Variants in GNG4 observed in about 807,000 individuals in gnomAD.
GNG4 encodes the protein G protein subunit gamma 4.
Under a neutral mutation model 5.8 loss-of-function variants are expected in GNG4, and 4 were observed. The ratio of observed to expected loss-of-function variants is 0.69; its 90% CI spans 0.34 to 1.57. The LOEUF (loss-of-function observed/expected upper bound fraction) is 1.57, where lower values mean the gene tolerates loss of function less well. Ranked by LOEUF, GNG4 falls within the 40% of genes most tolerant of loss-of-function variation. GNG4 has a pLI of 0.06. For missense variants in GNG4, 96 were observed against 95.1 expected (o/e 1.01, Z -0.04); for synonymous variants, 29 against 32.9 (o/e 0.88, Z 0.41).
At chr1:235,554,207 G>T (rs982201201) in intron 3 of GNG4, among the ~76,000 whole-genome samples, 4 of 152,152 alleles carry the variant, frequency 2.6e-5, no homozygotes, top group Admixed American at 2.6e-4. Context: ...TTGGGAGATT[G>T]AGCCCTCCCT....
chr1:235,574,577 T>C (rs1687428840), intron 3 of GNG4, among the ~76,000 whole-genome samples: 2 of 151,374 alleles, frequency 1.3e-5, no homozygotes, highest in Non-Finnish European at 3.0e-5. Context: ...CATTTATTTA[T>C]GGTTTTAAAT....
intron 2 of GNG4, among the ~76,000 whole-genome samples, chr1:235,587,223 G>T: frequency 1.3e-5 from 1 of 77,816 alleles, no homozygotes; most frequent in South Asian, 3.4e-4. Context: ...GGGTGTGGGT[G>T]AGTGTGAGTG....
chr1:235,587,260 GTGTA>G (rs1166583301), intron 2 of GNG4, among the ~76,000 whole-genome samples: 23 of 108,658 alleles, frequency 2.1e-4, no homozygotes, highest in Non-Finnish European at 3.0e-4. Flanking sequence ...TGTGATGACA[GTGTA>G]TGTGAGTGTG....
chr1:235,565,575 G>A (rs1687173376), intron 3 of GNG4, among the ~76,000 whole-genome samples: 1 of 152,146 alleles, frequency 6.6e-6, no homozygotes, highest in Non-Finnish European at 1.5e-5. Context: ...ATCCCCAAAG[G>A]TCCTGGGAAT....
chr1:235,594,802 G>A (rs528289401), intron 2 of GNG4, among the ~76,000 whole-genome samples: 13 of 152,312 alleles, frequency 8.5e-5, no homozygotes, highest in East Asian at 5.8e-4. Context: ...GCCAGCTCCC[G>A]CCTTGGCCAG....
At chr1:235,626,958 CAAAAAAAAAAAAAAAAAA>C (rs776506587) in intron 1 of GNG4, among the ~76,000 whole-genome samples, 51 of 77,390 alleles carry the variant, frequency 6.6e-4, no homozygotes, top group Middle Eastern at 6.6e-3. Flanking sequence ...GACTCTATCT[CAAAAAAAAAAAAAAAAAA>C]AAAAAAAAAA....
At chr1:235,593,961 G>C (rs1688060337) in intron 2 of GNG4, among the ~76,000 whole-genome samples, 2 of 152,232 alleles carry the variant, frequency 1.3e-5, no homozygotes, top group African/African-American at 2.4e-5. Flanking sequence ...CGGGCAGCCT[G>C]CTTTTATTCT....
chr1:235,564,287 G>T (rs1687139845), intron 3 of GNG4, among the ~76,000 whole-genome samples: 1 of 152,104 alleles, frequency 6.6e-6, no homozygotes, highest in African/African-American at 2.4e-5. Flanking sequence ...GAGGGGTGAT[G>T]GGGGGAGGAA....
intron 1 of GNG4, among the ~76,000 whole-genome samples, chr1:235,609,408 A>G (rs1688430272): frequency 6.6e-6 from 1 of 151,848 alleles, no homozygotes; most frequent in South Asian, 2.1e-4. Flanking sequence ...AACATATGTT[A>G]TTTTCCACTT....
intron 1 of GNG4, among the ~76,000 whole-genome samples, chr1:235,639,323 G>A (rs1210293150): frequency 1.3e-5 from 2 of 152,214 alleles, no homozygotes; most frequent in African/African-American, 4.8e-5. Context: ...AAGCCACTAA[G>A]AGCCTGGGCT....
At chr1:235,633,600 G>T (rs2102984193) in intron 1 of GNG4, among the ~76,000 whole-genome samples, 1 of 152,252 alleles carries the variant, frequency 6.6e-6, no homozygotes, top group South Asian at 2.1e-4. Flanking sequence ...TGATCCTCTT[G>T]CCTCAGCCTC....
chr1:235,647,793 C>G (rs562311025), intron 1 of GNG4, among the ~76,000 whole-genome samples: 1 of 152,180 alleles, frequency 6.6e-6, no homozygotes, highest in Admixed American at 6.5e-5. Context: ...CACCACCACG[C>G]CCGCCTAATT....
chr1:235,596,030 C>G (rs1405961380), intron 1 of GNG4, among the ~76,000 whole-genome samples: 1 of 151,822 alleles, frequency 6.6e-6, no homozygotes, highest in Non-Finnish European at 1.5e-5. Flanking sequence ...AAAAATTAGC[C>G]AGGCGTGATG....
At chr1:235,641,042 G>T (rs1657311469) in intron 1 of GNG4, among the ~76,000 whole-genome samples, 1 of 152,208 alleles carries the variant, frequency 6.6e-6, no homozygotes, top group African/African-American at 2.4e-5. Context: ...TATGCTAGGG[G>T]TGAGAGGAGG....
rs538925893 is a variant in GNG4, at chr1:235,574,264, G to A, written c.99+9476C>T. Among the ~76,000 whole-genome samples, 29 of 151,914 alleles carry A rather than the reference G, an allele frequency of 1.9e-4. No individual in the cohort carries two copies. The South Asian group carries it at 5.6e-3, about 29-fold the overall frequency. ...CACAGGCTTGTAATTCCAGCTACTC[G>A]GGAGGCTGAGGCAGGAGAATCGCTT... On this transcript the variant is annotated intron_variant, in intron 3 of 3. Coordinates refer to ENST00000391854, the MANE Select transcript of GNG4 (RefSeq NM_001098722.2).
chr1:235,574,398 T>C (rs1687425627), intron 3 of GNG4, among the ~76,000 whole-genome samples: 1 of 151,960 alleles, frequency 6.6e-6, no homozygotes, highest in Non-Finnish European at 1.5e-5. Flanking sequence ...AAAAAGCAAG[T>C]ACCATTTTAA....
chr1:235,609,982 A>G (rs779234914), intron 1 of GNG4, among the ~76,000 whole-genome samples: 18 of 152,206 alleles, frequency 1.2e-4, no homozygotes, highest in Non-Finnish European at 2.2e-4. Flanking sequence ...GAAAGACATG[A>G]TAGAGCCATC....
chr1:235,635,014 C>G (rs931154706), intron 1 of GNG4, among the ~76,000 whole-genome samples: 1 of 152,088 alleles, frequency 6.6e-6, no homozygotes, highest in Non-Finnish European at 1.5e-5. Context: ...CAATACAAAG[C>G]CGGGTATAGA....
At position 235,551,765 on chromosome 1, in the gene GNG4, A is replaced by T. The variant is rs1004300649; in HGVS notation, c.*344T>A. On this transcript the variant is annotated 3_prime_UTR_variant, in exon 4 of 4. Coordinates refer to ENST00000391854, the MANE Select transcript of GNG4 (RefSeq NM_001098722.2). ...ATATTTAGGCATAGTTTTTTTTTTA[A>T]AATAAATTATCCACTGAAATGTATT... 5 of 147,730 alleles carry T rather than the reference A, an allele frequency of 3.4e-5. No individual in the cohort carries two copies. Among genetic ancestry groups the T allele is most frequent in the East Asian group, 3.7e-4 (2 of 5,400 alleles). 9.2% of individuals were successfully genotyped at this position (147,730 alleles called of 1,614,324 possible). A position where few individuals can be genotyped will look rare whatever the true frequency, so the allele number is the denominator to read the frequency against.
Sources: gnomAD v4.1 joint callset for allele counts (sites outside exome capture counted in the v4.1 genomes callset) on GRCh38, gnomAD v4.1.1 for gene constraint, MANE v1.5 for transcripts, NCBI Gene and HGNC (gene_info 2026-07-23, HGNC 2026-07-21) for gene names.